UQCC1: variants seen among roughly 807,000 people sequenced by gnomAD.
UQCC1 encodes the protein ubiquinol-cytochrome c reductase complex assembly factor 1.
In UQCC1, 38 loss-of-function variants were observed where a neutral mutation model predicts 48.0. The ratio of observed to expected loss-of-function variants is 0.79; its 90% CI spans 0.61 to 1.04. The LOEUF (loss-of-function observed/expected upper bound fraction) is 1.04, where lower values mean the gene tolerates loss of function less well. Ranked by LOEUF, UQCC1 falls within the 50% of genes least tolerant of loss-of-function variation. The pLI, the probability that UQCC1 is intolerant of heterozygous loss-of-function variation, is 0.00. For missense variants in UQCC1, 368 were observed against 381.8 expected (o/e 0.96, Z 0.30); for synonymous variants, 111 against 129.2 (o/e 0.86, Z 0.95).
rs71350377 is a variant in UQCC1 at position 35,337,276 on chromosome 20, C to T, written c.573+9888G>A. On this transcript the variant is annotated intron_variant, in intron 7 of 9. Coordinates refer to ENST00000374385, the MANE Select transcript of UQCC1 (RefSeq NM_018244.5). ...CAGTCTAGGCTCACTGCAACCTCCACCTCCCAGGTTCAAGTGATTCTCCTG... is the reference window on the plus strand; with the variant it reads ...CAGTCTAGGCTCACTGCAACCTCCATCTCCCAGGTTCAAGTGATTCTCCTG... 5.7e-3 allele frequency among the ~76,000 whole-genome samples: 874 copies of T among 152,106 alleles called. 3 individuals are homozygous for T. The highest frequency in any genetic ancestry group is 9.7e-3 in the Non-Finnish European group (658 of 67,990).
intron 1 of UQCC1, among the ~76,000 whole-genome samples, chr20:35,404,177 C>G (rs983256405): frequency 6.6e-6 from 1 of 151,842 alleles, no homozygotes; most frequent in African/African-American, 2.4e-5. Flanking sequence ...GTCAGGAGAT[C>G]GAGACCACGG....
At chr20:35,389,588 G>C (rs2061989737) in intron 2 of UQCC1, among the ~76,000 whole-genome samples, 1 of 151,720 alleles carries the variant, frequency 6.6e-6, no homozygotes, top group Non-Finnish European at 1.5e-5. Flanking sequence ...GAAAAGAAAA[G>C]AAAATGAATT....
At chr20:35,344,069 T>G (rs2061408454) in intron 7 of UQCC1, 1 of 152,242 alleles carries the variant, frequency 6.6e-6, no homozygotes, top group Admixed American at 6.5e-5. Context: ...GCAGGTATGA[T>G]TTATCTAATA....
intron 6 of UQCC1, among the ~76,000 whole-genome samples, chr20:35,348,576 G>T (rs1227543044): frequency 6.6e-6 from 1 of 152,032 alleles, no homozygotes; most frequent in East Asian, 1.9e-4. Context: ...ATTTTTAATA[G>T]ATATGGGGTT....
At chr20:35,394,316 G>C (rs2062048856) in intron 1 of UQCC1, 120 bp from the exon 2 acceptor site, 1 of 873,624 alleles carries the variant, frequency 1.1e-6, no homozygotes, top group East Asian at 2.7e-5. Context: ...TTCATCTCTA[G>C]TTCCTGGCAC....
chr20:35,314,271 A>G (rs1206852050), intron 8 of UQCC1, among the ~76,000 whole-genome samples: 1 of 151,852 alleles, frequency 6.6e-6, no homozygotes, highest in Admixed American at 6.6e-5. Context: ...AACTTTCAAA[A>G]TGAATATGTA....
chr20:35,316,994 G>A (rs975483907), intron 7 of UQCC1, among the ~76,000 whole-genome samples: 7 of 148,816 alleles, frequency 4.7e-5, no homozygotes, highest in Admixed American at 2.7e-4. Flanking sequence ...GTAGTGCAGC[G>A]GCATGATCTC....
At chr20:35,387,218 G>A (rs980841057) in intron 2 of UQCC1, among the ~76,000 whole-genome samples, 4 of 152,022 alleles carry the variant, frequency 2.6e-5, no homozygotes, top group East Asian at 1.9e-4. Flanking sequence ...CCCAGAAGGC[G>A]GAGGTTACAG....
chr20:35,325,108 T>C (rs2061177845), intron 7 of UQCC1, among the ~76,000 whole-genome samples: 5 of 152,198 alleles, frequency 3.3e-5, no homozygotes, highest in Admixed American at 3.3e-4. Flanking sequence ...GAAGGACAAA[T>C]ATTGTATAAT....
chr20:35,404,050 A>T (rs1168719700), intron 1 of UQCC1, among the ~76,000 whole-genome samples: 1 of 150,600 alleles, frequency 6.6e-6, no homozygotes, highest in Non-Finnish European at 1.5e-5. Flanking sequence ...ATCCTGGCTA[A>T]CATGGTGAAA....
intron 1 of UQCC1, among the ~76,000 whole-genome samples, chr20:35,410,718 A>C (rs1332209147): frequency 2.4e-5 from 3 of 123,764 alleles, no homozygotes; most frequent in Non-Finnish European, 4.9e-5. Context: ...AAAAAAAAAA[A>C]AAAAAACAAA....
intron 1 of UQCC1, among the ~76,000 whole-genome samples, chr20:35,399,967 C>T (rs2062138357): frequency 6.8e-6 from 1 of 147,048 alleles, no homozygotes; most frequent in African/African-American, 2.5e-5. Flanking sequence ...ACTCTGTCAC[C>T]CAGGCTGGAG....
chr20:35,369,083 T>A (rs1387558014), intron 5 of UQCC1, among the ~76,000 whole-genome samples: 2 of 152,230 alleles, frequency 1.3e-5, no homozygotes. Context: ...TACCTCTACA[T>A]CAAAGCTTCT....
At chr20:35,324,187 T>C (rs1444612799) in intron 7 of UQCC1, among the ~76,000 whole-genome samples, 1 of 152,264 alleles carries the variant, frequency 6.6e-6, no homozygotes, top group East Asian at 1.9e-4. Flanking sequence ...GTATCTTTCC[T>C]TCCTGAGCTC....
At chr20:35,308,426 T>C (rs1331828191) in intron 8 of UQCC1, among the ~76,000 whole-genome samples, 2 of 152,250 alleles carry the variant, frequency 1.3e-5, no homozygotes, top group African/African-American at 4.8e-5. Flanking sequence ...GCAACCCACA[T>C]GTGCTGTGCA....
At chr20:35,380,189 A>G (rs1260037621) in intron 4 of UQCC1, among the ~76,000 whole-genome samples, 1 of 152,234 alleles carries the variant, frequency 6.6e-6, no homozygotes, top group Non-Finnish European at 1.5e-5. Flanking sequence ...TCCAAATGCC[A>G]TAAGCATAAC....
At chr20:35,410,946 C>T (rs927034731) in intron 1 of UQCC1, among the ~76,000 whole-genome samples, 1 of 151,800 alleles carries the variant, frequency 6.6e-6, no homozygotes, top group Non-Finnish European at 1.5e-5. Flanking sequence ...GTACCTCACT[C>T]TGCTAGGCTG....
intron 7 of UQCC1, among the ~76,000 whole-genome samples, chr20:35,324,152 A>C (rs1317508470): frequency 1.3e-5 from 2 of 152,192 alleles, no homozygotes; most frequent in Non-Finnish European, 2.9e-5. Context: ...ATAAGTTCCT[A>C]TTGCTAAGAT....
At chr20:35,409,818 T>C (rs1477278838) in intron 1 of UQCC1, among the ~76,000 whole-genome samples, 1 of 152,170 alleles carries the variant, frequency 6.6e-6, no homozygotes, top group African/African-American at 2.4e-5. Flanking sequence ...ACTTCTTTTT[T>C]TTTTTCAGAC....
Sources: allele counts gnomAD v4.1 joint callset (sites outside exome capture counted in the v4.1 genomes callset), GRCh38; gene constraint gnomAD v4.1.1; transcripts MANE v1.5; gene names NCBI Gene and HGNC (gene_info 2026-07-23, HGNC 2026-07-21).